Variants in CCDC57 observed in about 807,000 individuals in gnomAD.
CCDC57 encodes coiled-coil domain-containing protein 57.
In CCDC57, 118 loss-of-function variants were observed where a neutral mutation model predicts 118.9. The ratio of observed to expected loss-of-function variants is 0.99; its 90% CI spans 0.86 to 1.16. The LOEUF is 1.16. Ranked by LOEUF, CCDC57 falls within the 50% of genes most tolerant of loss-of-function variation. CCDC57 has a pLI of 0.00. For synonymous variants in CCDC57, 527 were observed against 532.9 expected, an observed-to-expected ratio of 0.99 and a Z score of 0.15; for missense variants, 1,300 against 1,320.7, an observed-to-expected ratio of 0.98 and a Z score of 0.24.
At chr17:82,147,323 T>C (rs2040894864) in intron 16 of CCDC57, among the ~76,000 whole-genome samples, 1 of 147,602 alleles carries the variant, frequency 6.8e-6, no homozygotes, top group Non-Finnish European at 1.5e-5. Flanking sequence ...GGTGGATGGA[T>C]GGGCGGATGG....
intron 16 of CCDC57, among the ~76,000 whole-genome samples, chr17:82,139,036 T>C (rs1244673763): frequency 6.6e-6 from 1 of 152,220 alleles, no homozygotes; most frequent in African/African-American, 2.4e-5. Context: ...TTTTTGCCTC[T>C]CCACTGGATA....
chr17:82,201,869 C>T, exon 3 of CCDC57: 1 of 1,612,764 alleles, frequency 6.2e-7, no homozygotes, highest in Non-Finnish European at 8.5e-7. Context: ...GTGCGGTGTG[C>T]CTGCAGCGCC....
chr17:82,202,287 T>TAGA (rs1260347421), intron 2 of CCDC57, among the ~76,000 whole-genome samples: 2 of 152,056 alleles, frequency 1.3e-5, no homozygotes, highest in African/African-American at 4.8e-5. Context: ...GCTAACATGG[T>TAGA]GAAACCCCGT....
At chr17:82,210,814 C>T (rs561610171) in intron 1 of CCDC57, among the ~76,000 whole-genome samples, 5 of 150,864 alleles carry the variant, frequency 3.3e-5, no homozygotes, top group African/African-American at 4.9e-5. Context: ...GCCAACATGA[C>T]GAAACCTCGT....
At chr17:82,107,557 G>T in intron 19 of CCDC57, 1 of 471,008 alleles carries the variant, frequency 2.1e-6, no homozygotes, top group South Asian at 1.5e-5. Flanking sequence ...TCTGGACCTG[G>T]CGCTCGGCAC....
intron 5 of CCDC57, 138 bp from the exon 5 acceptor site, chr17:82,194,277 T>A: frequency 1.1e-6 from 1 of 878,064 alleles, no homozygotes; most frequent in Non-Finnish European, 1.7e-6. Flanking sequence ...ACAGTGAGAA[T>A]GTCCTAACAC....
intron 19 of CCDC57, among the ~76,000 whole-genome samples, chr17:82,123,068 G>A (rs1340054885): frequency 1.3e-5 from 2 of 150,948 alleles, no homozygotes; most frequent in African/African-American, 4.9e-5. Context: ...GACCTAACTG[G>A]ACCTACCTGT....
intron 8 of CCDC57, among the ~76,000 whole-genome samples, chr17:82,185,386 G>A (rs1225857817): frequency 6.6e-6 from 1 of 152,002 alleles, no homozygotes; most frequent in Admixed American, 6.6e-5. Context: ...GGGAGGCCGA[G>A]GCAGGCAGAC....
intron 2 of CCDC57, among the ~76,000 whole-genome samples, chr17:82,203,024 C>T (rs762935455): frequency 1.3e-5 from 2 of 152,202 alleles, no homozygotes; most frequent in South Asian, 2.1e-4. Context: ...TTATCCCTGC[C>T]CAAACCTTTG....
intron 19 of CCDC57, among the ~76,000 whole-genome samples, chr17:82,120,455 A>G (rs988370355): frequency 6.6e-6 from 1 of 152,236 alleles, no homozygotes; most frequent in African/African-American, 2.4e-5. Flanking sequence ...GCTCTGTCCT[A>G]GTGTCGGTGC....
At chr17:82,123,820 A>G (rs1050167829) in intron 19 of CCDC57, among the ~76,000 whole-genome samples, 40 of 152,274 alleles carry the variant, frequency 2.6e-4, no homozygotes, top group African/African-American at 8.9e-4. Flanking sequence ...CAAGGGAAAC[A>G]TGAGGATGTT....
chr17:82,169,375 C>G (rs980135577), intron 13 of CCDC57, among the ~76,000 whole-genome samples: 2 of 152,180 alleles, frequency 1.3e-5, no homozygotes, highest in Admixed American at 6.5e-5. Context: ...GTGATCCACC[C>G]ACCTCGGCCT....
chr17:82,131,640 T>G (rs1275985828), intron 17 of CCDC57, among the ~76,000 whole-genome samples: 1 of 151,708 alleles, frequency 6.6e-6, no homozygotes, highest in Non-Finnish European at 1.5e-5. Context: ...TAGTCCCAGC[T>G]ACTTGGGAGG....
Position 82,172,984 on chromosome 17 carries a change from G to T in CCDC57, c.1507-124C>A. 1 of 798,118 alleles carries T rather than the reference G, an allele frequency of 1.3e-6. No individual in the cohort carries two copies. The highest frequency in any genetic ancestry group is 2.7e-5 in the East Asian group (1 of 37,610). 49.4% of individuals were successfully genotyped at this position (798,118 alleles called of 1,614,324 possible). ...GGTCCCCCGCTTCAGCTTGGGCTGTGGTCCCTCCCCATCCCCAGGCTGTGA... is the reference window on the plus strand; with the variant it reads ...GGTCCCCCGCTTCAGCTTGGGCTGTTGTCCCTCCCCATCCCCAGGCTGTGA... On this transcript the variant is annotated intron_variant, in intron 11 of 19. Coordinates refer to ENST00000665763, the Ensembl canonical transcript of CCDC57. The surrounding 1 kb of genome is among the most constrained non-coding windows in gnomAD (Gnocchi z 5.2).
chr17:82,118,146 T>C lies in CCDC57; in HGVS notation c.2899+9546A>G, dbSNP rs1039331610. Among the ~76,000 whole-genome samples the C allele has an allele frequency of 4.6e-5, 7 of 152,102 alleles. No individual in the cohort carries two copies. The highest frequency in any genetic ancestry group is 6.5e-5 in the Admixed American group (1 of 15,276). On this transcript the variant is annotated intron_variant, in intron 19 of 19. Coordinates refer to ENST00000665763, the Ensembl canonical transcript of CCDC57. The surrounding 1 kb of genome is among the most constrained non-coding windows in gnomAD (Gnocchi z 4.7). ...AGCAAGCTGCCCCCACGATATGCAA[T>C]TGACAAGAAAAGAGGATATACACAT...
At chr17:82,169,997 A>T (rs1378314898) in intron 13 of CCDC57, among the ~76,000 whole-genome samples, 1 of 152,198 alleles carries the variant, frequency 6.6e-6, no homozygotes, top group Non-Finnish European at 1.5e-5. Flanking sequence ...TCTATGACAA[A>T]GGGCAGATGA....
intron 19 of CCDC57, among the ~76,000 whole-genome samples, chr17:82,103,174 C>T (rs2034585105): frequency 6.6e-6 from 1 of 152,242 alleles, no homozygotes; most frequent in South Asian, 2.1e-4. Flanking sequence ...CCCATGGGGG[C>T]AGCCACACAC....
At chr17:82,197,847 C>T (rs905632118) in intron 4 of CCDC57, among the ~76,000 whole-genome samples, 2 of 152,194 alleles carry the variant, frequency 1.3e-5, no homozygotes, top group Non-Finnish European at 2.9e-5. Flanking sequence ...ACATTGGGCT[C>T]CTGCATCTTG....
chr17:82,188,561 C>T (rs2047267141), intron 7 of CCDC57, 142 bp from the exon 7 acceptor site: 4 of 822,762 alleles, frequency 4.9e-6, no homozygotes, highest in Non-Finnish European at 7.4e-6. Context: ...AGCCACCTGG[C>T]CACCTGTTCC....
Sources: gnomAD v4.1 joint callset for allele counts (sites outside exome capture counted in the v4.1 genomes callset) on GRCh38, gnomAD v4.1.1 for gene constraint, Gnocchi (gnomAD v3.1) non-coding constraint, MANE v1.5 for transcripts, NCBI Gene and HGNC (gene_info 2026-07-23, HGNC 2026-07-21) for gene names.